The following CAMK2D variants were observed in gnomAD, a reference collection of about 807,000 sequenced individuals.
The protein encoded by CAMK2D is calcium/calmodulin-dependent protein kinase type II subunit delta.
CAMK2D carries 37 observed loss-of-function variants against 84.0 expected under a neutral mutation model. That is an observed-to-expected ratio of 0.44 (90% CI 0.34 to 0.58). CAMK2D has a LOEUF of 0.58. Ranked by LOEUF, CAMK2D falls within the 20% of genes least tolerant of loss-of-function variation. CAMK2D has a pLI of 0.02. For synonymous variants in CAMK2D, 202 were observed against 212.5 expected (o/e 0.95, Z 0.43); for missense variants, 448 against 652.5 (o/e 0.69, Z 3.41).
At chr4:113,554,087 C>T (rs1271478333) in intron 4 of CAMK2D, among the ~76,000 whole-genome samples, 1 of 152,070 alleles carries the variant, frequency 6.6e-6, no homozygotes, top group Non-Finnish European at 1.5e-5. Flanking sequence ...AAAATTGCTG[C>T]TATTTATAGG....
At chr4:113,704,010 C>T (rs963879198) in intron 2 of CAMK2D, among the ~76,000 whole-genome samples, 13 of 140,162 alleles carry the variant, frequency 9.3e-5, no homozygotes, top group Non-Finnish European at 1.7e-4. Context: ...AACCTTTTTG[C>T]TTGTTTTTGT....
At chr4:113,531,109 C>T (rs993903841) in intron 8 of CAMK2D, 107 bp downstream of exon 8, 2 of 658,206 alleles carry the variant, frequency 3.0e-6, no homozygotes, top group African/African-American at 1.8e-5. Flanking sequence ...ATAAGAAATA[C>T]ATTTTTGTTA....
At chr4:113,489,979 T>C (rs1435421969) in intron 16 of CAMK2D, among the ~76,000 whole-genome samples, 2 of 151,724 alleles carry the variant, frequency 1.3e-5, no homozygotes, top group South Asian at 2.1e-4. Flanking sequence ...GCCCACTTTT[T>C]GATGGGGTTG....
At chr4:113,460,077 T>C (rs2097354649) in intron 18 of CAMK2D, 70 bp downstream of exon 18, 2 of 892,774 alleles carry the variant, frequency 2.2e-6, no homozygotes, top group African/African-American at 3.3e-5. Context: ...AAGAGCAAAA[T>C]AATCTGCAAA....
intron 16 of CAMK2D, among the ~76,000 whole-genome samples, chr4:113,477,297 A>T (rs186769113): frequency 1.3e-5 from 2 of 152,354 alleles, no homozygotes; most frequent in East Asian, 3.9e-4. Flanking sequence ...AGTTAAAAAT[A>T]TCCTATCATA....
chr4:113,485,381 C>T (rs1309169374), intron 16 of CAMK2D, among the ~76,000 whole-genome samples: 2 of 152,166 alleles, frequency 1.3e-5, no homozygotes, highest in Non-Finnish European at 2.9e-5. Context: ...TAAATATTTG[C>T]TGAAAGAGTA....
At chr4:113,487,866 G>C in intron 16 of CAMK2D, among the ~76,000 whole-genome samples, 1 of 151,840 alleles carries the variant, frequency 6.6e-6, no homozygotes, top group East Asian at 1.9e-4. Flanking sequence ...TTTATATAAA[G>C]AGATCTTACA....
intron 3 of CAMK2D, among the ~76,000 whole-genome samples, chr4:113,624,848 C>A (rs1442312688): frequency 3.9e-5 from 6 of 152,110 alleles, no homozygotes; most frequent in African/African-American, 1.4e-4. Context: ...ACATGGTAAC[C>A]TATAATCAAC....
chr4:113,711,299 T>C (rs1157804521), intron 2 of CAMK2D, among the ~76,000 whole-genome samples: 1 of 151,828 alleles, frequency 6.6e-6, no homozygotes, highest in African/African-American at 2.4e-5. Context: ...TCCTTCACAA[T>C]TCATTCTTAA....
At chr4:113,621,716 T>C (rs2099047160) in intron 3 of CAMK2D, among the ~76,000 whole-genome samples, 1 of 152,176 alleles carries the variant, frequency 6.6e-6, no homozygotes, top group African/African-American at 2.4e-5. Context: ...TGTGAACAAA[T>C]CAAGGAATGG....
chr4:113,488,407 G>C (rs953817358), intron 16 of CAMK2D, among the ~76,000 whole-genome samples: 6 of 152,138 alleles, frequency 3.9e-5, no homozygotes, highest in African/African-American at 1.4e-4. Flanking sequence ...TTTTGCGTGA[G>C]TGGAAAATCA....
intron 2 of CAMK2D, among the ~76,000 whole-genome samples, chr4:113,686,745 C>G (rs2099360894): frequency 6.6e-6 from 1 of 152,090 alleles, no homozygotes; most frequent in Admixed American, 6.6e-5. Flanking sequence ...GCCCTTATTT[C>G]TCAACGAGAG....
At chr4:113,468,553 G>A (rs1488492530) in intron 16 of CAMK2D, among the ~76,000 whole-genome samples, 1 of 152,204 alleles carries the variant, frequency 6.6e-6, no homozygotes, top group African/African-American at 2.4e-5. Flanking sequence ...TCAGCTTGTT[G>A]TTGGAACTGT....
chr4:113,760,603 C>T (rs2099639048), intron 1 of CAMK2D, among the ~76,000 whole-genome samples: 1 of 152,188 alleles, frequency 6.6e-6, no homozygotes, highest in Non-Finnish European at 1.5e-5. Flanking sequence ...GGAGGCATCT[C>T]TATTTACAGA....
intron 8 of CAMK2D, among the ~76,000 whole-genome samples, chr4:113,521,192 T>C (rs1488026420): frequency 6.6e-6 from 1 of 152,186 alleles, no homozygotes; most frequent in African/African-American, 2.4e-5. Context: ...AATAACGCAT[T>C]GGCTCCCCAA....
At position 113,487,450 on chromosome 4, in the gene CAMK2D, TAATA is replaced by T. The variant is rs537420518; in HGVS notation, c.1135+13009_1135+13012del. On this transcript the variant is annotated intron_variant, in intron 16 of 20. Coordinates refer to ENST00000511664, the MANE Select transcript of CAMK2D (RefSeq NM_001321571.2). ...TTTCACTCAAGCAATTATTTTACTCTAATAAATAATTTCAGAATTACATAAAATT... is the reference window on the plus strand; with the variant it reads ...TTTCACTCAAGCAATTATTTTACTCTAATAATTTCAGAATTACATAAAATT... 3.6e-4 allele frequency among the ~76,000 whole-genome samples: 55 copies of T among 152,202 alleles called. 1 individual carries two copies. The South Asian group carries it at 8.1e-3, about 22-fold the overall frequency.
At chr4:113,567,926 T>C (rs1214698788) in intron 4 of CAMK2D, among the ~76,000 whole-genome samples, 2 of 152,202 alleles carry the variant, frequency 1.3e-5, no homozygotes, top group East Asian at 1.9e-4. Context: ...TGCAACCACA[T>C]AACTAGACAT....
At chr4:113,557,208 C>T (rs538296327) in intron 4 of CAMK2D, among the ~76,000 whole-genome samples, 132 of 152,060 alleles carry the variant, frequency 8.7e-4, no homozygotes, top group Non-Finnish European at 1.7e-3. Flanking sequence ...TCCTATCTTG[C>T]CCCCCAGCCC....
intron 16 of CAMK2D, among the ~76,000 whole-genome samples, chr4:113,483,542 A>T (rs982499356): frequency 6.6e-6 from 1 of 151,802 alleles, no homozygotes; most frequent in Admixed American, 6.6e-5. Flanking sequence ...AGTAGCTGGG[A>T]TTACAAGCAT....
Sources: allele counts gnomAD v4.1 joint callset (sites outside exome capture counted in the v4.1 genomes callset), GRCh38; gene constraint gnomAD v4.1.1; transcripts MANE v1.5; gene names NCBI Gene and HGNC (gene_info 2026-07-23, HGNC 2026-07-21).